Variants in ASIC3 observed in about 807,000 individuals in gnomAD.
ASIC3 encodes the protein acid-sensing ion channel 3.
ASIC3 carries 46 observed loss-of-function variants against 58.6 expected under a neutral mutation model. The observed-to-expected ratio is 0.79, with a 90% CI of 0.62 to 1.00. The LOEUF (loss-of-function observed/expected upper bound fraction) is 1.00. ASIC3 is among the 50% of genes least tolerant of loss of function. The pLI, the probability that ASIC3 is intolerant of heterozygous loss-of-function variation, is 0.00. For missense variants in ASIC3, 770 were observed against 735.0 expected, an observed-to-expected ratio of 1.05 and a Z score of -0.55; for synonymous variants, 336 against 300.2, an observed-to-expected ratio of 1.12 and a Z score of -1.23.
chr7:151,048,650 G>A lies in ASIC3; in HGVS notation c.-236G>A. 1 of 542,548 alleles carries A rather than the reference G, an allele frequency of 1.8e-6. No individual in the cohort carries two copies. Among genetic ancestry groups the A allele is most frequent in the Non-Finnish European group, 3.2e-6 (1 of 309,074 alleles). The allele number at this position is 542,548 out of a possible 1,614,324, so 33.6% of individuals were successfully genotyped here. On this transcript the variant is annotated 5_prime_UTR_variant, in exon 1 of 11. The change creates a new upstream start codon in the 5' untranslated region. Coordinates refer to ENST00000349064, the MANE Select transcript of ASIC3 (RefSeq NM_004769.4). ...AGTCCCCAGCCCAGTGCCTAGCCCA[G>A]TGGAGCCACCGCCTGTTCCTCGGGA...
At position 151,048,787 on chromosome 7, in the gene ASIC3, T is replaced by C; in HGVS notation, c.-99T>C. 1.4e-6 allele frequency: 2 copies of C among 1,421,338 alleles called. No individual in the cohort carries two copies. Among genetic ancestry groups the C allele is most frequent in the Non-Finnish European group, 1.9e-6 (2 of 1,051,834 alleles). The allele number at this position is 1,421,338 out of a possible 1,614,324, so 88.0% of individuals were successfully genotyped here. A position where few individuals can be genotyped will look rare whatever the true frequency, so the allele number is the denominator to read the frequency against. On this transcript the variant is annotated 5_prime_UTR_variant, in exon 1 of 11. Transcript: ENST00000349064. ...CACCCTCTCTTCTCCTCTCCTTGCCTGGCCTCCTGAATCCTATCTTAGCCT... is the reference window on the plus strand; with the variant it reads ...CACCCTCTCTTCTCCTCTCCTTGCCCGGCCTCCTGAATCCTATCTTAGCCT...
chr7:151,050,347 TC>T, intron 2 of ASIC3, 91 bp downstream of exon 2: 1 of 1,565,390 alleles, frequency 6.4e-7, no homozygotes, highest in South Asian at 1.2e-5. Context: ...GTCAGGGTGT[TC>T]CCCCAGAACC....
chr7:151,051,359 G>C, intron 6 of ASIC3, 40 bp downstream of exon 6: 4 of 1,436,116 alleles, frequency 2.8e-6, no homozygotes, highest in Non-Finnish European at 3.6e-6. Context: ...CGAGCCGGGG[G>C]CTCCCGACGG....
At position 151,052,521 on chromosome 7, in the gene ASIC3, T is replaced by C; in HGVS notation, c.1517+47T>C. 1 of 1,613,792 alleles carries C rather than the reference T, an allele frequency of 6.2e-7. No individual in the cohort carries two copies. Among genetic ancestry groups the C allele is most frequent in the Non-Finnish European group, 8.5e-7 (1 of 1,179,878 alleles). On this transcript the variant is annotated intron_variant, in intron 10 of 10. Coordinates refer to ENST00000349064, the MANE Select transcript of ASIC3 (RefSeq NM_004769.4). The surrounding 1 kb of genome is among the most constrained non-coding windows in gnomAD (Gnocchi z 5.0). The stretch of plus-strand genomic sequence containing the variant: ...AAATCAAGGGAGGGCAGGGGCAGGC[T>C]CAGGACAGTGGGTGTGCCCGTTCCC...
In ASIC3 at chr7:151,048,985, G is replaced by A. The variant is rs187671745; in HGVS notation, c.100G>A (p.Gly34Arg). Reference sequence around the variant, plus strand: ...GATGCACGGGCTGGGCCACGTCTTCGGGCCAGGCAGCCTGAGCCTGCGCCG... The same window carrying A: ...GATGCACGGGCTGGGCCACGTCTTCAGGCCAGGCAGCCTGAGCCTGCGCCG... The part of the protein sequence containing the change: ...CSMHGLGHVF[G>R]PGSLSLRRGM... The change falls in exon 1 of 11, where the codon GGG becomes AGG. Residue 34 changes from glycine (G) to arginine (R), a missense_variant. Physicochemically the swap from Gly to Arg is moderately radical, Grantham distance 125. Transcript: ENST00000349064. 3.3e-5 allele frequency: 53 copies of A among 1,608,896 alleles called. No individual in the cohort carries two copies. In the East Asian group the frequency reaches 8.9e-4, roughly 27 times the overall value.
intron 1 of ASIC3, among the ~76,000 whole-genome samples, 156 bp downstream of exon 1, chr7:151,049,575 C>T (rs989131530): frequency 2.0e-5 from 3 of 152,338 alleles, no homozygotes; most frequent in Non-Finnish European, 4.4e-5. Context: ...AGTGCCACTC[C>T]GTGCAGCCCA....
intron 2 of ASIC3, 97 bp from the exon 3 acceptor site, chr7:151,050,384 C>G (rs951890790): frequency 1.9e-6 from 3 of 1,571,704 alleles, no homozygotes; most frequent in African/African-American, 2.7e-5. Flanking sequence ...GCTGGCTCAT[C>G]CCAGTCCTGG....
Position 151,049,053 on chromosome 7 carries a change from C to A in ASIC3, c.168C>A (p.Phe56Leu). The change falls in exon 1 of 11, where the codon TTC (phenylalanine) becomes TTA (leucine). Residue 56 changes from phenylalanine to leucine, a missense_variant. Transcript: ENST00000349064. ...CCGTGGTCCTGTCAGTGGCCACCTT[C>A]CTCTACCAGGTGGCTGAGAGGGTGC... ...AAAVVLSVAT[F>L]LYQVAERVRY... 1 of 1,613,836 alleles carries A rather than the reference C, an allele frequency of 6.2e-7. No homozygotes were observed. Among genetic ancestry groups the A allele is most frequent in the Non-Finnish European group, 8.5e-7 (1 of 1,179,922 alleles).
Position 151,048,764 on chromosome 7 carries a change from C to G in ASIC3, c.-122C>G, listed in dbSNP as rs925949928. 9.5e-5 allele frequency: 121 copies of G among 1,267,970 alleles called. No homozygotes were observed. The highest frequency in any genetic ancestry group is 5.7e-4 in the Middle Eastern group (2 of 3,514). 78.5% of individuals were successfully genotyped at this position (1,267,970 alleles called of 1,614,324 possible). ...GCCTTCCAACCTTGGCTGTCTCCCACCCTCTCTTCTCCTCTCCTTGCCTGG... is the reference window on the plus strand; with the variant it reads ...GCCTTCCAACCTTGGCTGTCTCCCAGCCTCTCTTCTCCTCTCCTTGCCTGG... On this transcript the variant is annotated 5_prime_UTR_variant, in exon 1 of 11. Coordinates refer to ENST00000349064, the MANE Select transcript of ASIC3 (RefSeq NM_004769.4).
At chr7:151,051,370 G>C in intron 6 of ASIC3, 51 bp downstream of exon 6, 5 of 1,424,876 alleles carry the variant, frequency 3.5e-6, no homozygotes, top group Non-Finnish European at 9.1e-7. Context: ...CTCCCGACGG[G>C]GCGGAACGGG....
intron 2 of ASIC3, 112 bp downstream of exon 2, chr7:151,050,368 G>A: frequency 6.4e-7 from 1 of 1,563,612 alleles, no homozygotes; most frequent in Non-Finnish European, 8.7e-7. Context: ...CTGTGAAAGG[G>A]GCTGGGCTGG....
rs1462373887 is a variant in ASIC3, at chr7:151,051,901, GGT to G, written c.1306+8_1306+9del. On this transcript the variant is annotated splice_donor_variant, in intron 7 of 10. Coordinates refer to ENST00000349064, the MANE Select transcript of ASIC3 (RefSeq NM_004769.4). LOFTEE classifies it high-confidence loss of function. ...GGCCTATGAGATGTCAGAGCTGCTT[GGT>G]GTGTGTGCAGGGCCCCCAGGGCTGG... 5.6e-6 allele frequency: 9 copies of G among 1,613,842 alleles called. No individual in the cohort carries two copies. Among genetic ancestry groups the G allele is most frequent in the Non-Finnish European group, 7.6e-6 (9 of 1,179,942 alleles).
intron 2 of ASIC3, 102 bp from the exon 3 acceptor site, chr7:151,050,379 C>A: frequency 6.4e-7 from 1 of 1,567,484 alleles, no homozygotes; most frequent in Non-Finnish European, 8.7e-7. Flanking sequence ...GCTGGGCTGG[C>A]TCATCCCAGT....
chr7:151,049,404 T>C lies in ASIC3; in HGVS notation c.519T>C (p.Pro173=). ...GCTTCCGTGGCCAACCTTGTGGGCC[T>C]GAGAACTTCACCACGGTGAGCTGAC... ...DCRFRGQPCG[P]ENFTTIFTRM... Residue 173 remains proline, a synonymous_variant, in exon 1 of 11, where the codon CCT becomes CCC. Transcript: ENST00000349064. 1 of 1,592,530 alleles carries C rather than the reference T, an allele frequency of 6.3e-7. No individual in the cohort carries two copies. The highest frequency in any genetic ancestry group is 1.1e-5 in the South Asian group (1 of 89,086).
rs145339468 is a variant in ASIC3 at position 151,052,202 on chromosome 7, C to T, written c.1423C>T (p.Arg475Ter). Residue 475 changes from arginine (R) to a stop codon, truncating the protein, a stop_gained, in exon 9 of 11, where the codon CGA becomes TGA. Transcript: ENST00000349064. LOFTEE classifies it high-confidence loss of function. The surrounding 1 kb of genome is among the most constrained non-coding windows in gnomAD (Gnocchi z 5.0). ...CAAGGTCCTGGGATATTTCTGGAACCGACAGCACTCCCAAAGGCACTCCAG... is the reference window on the plus strand; with the variant it reads ...CAAGGTCCTGGGATATTTCTGGAACTGACAGCACTCCCAAAGGCACTCCAG... Reference protein sequence around the residue: ...RDKVLGYFWNRQHSQRHSSTN... With the variant: ...RDKVLGYFWN The T allele has an allele frequency of 4.8e-4, 780 of 1,614,012 alleles. No individual in the cohort carries two copies. Among genetic ancestry groups the T allele is most frequent in the Non-Finnish European group, 5.9e-4 (693 of 1,179,986 alleles).
rs767281465 is a variant in ASIC3 at position 151,052,510 on chromosome 7, C to T, written c.1517+36C>T. ...ATGGCCCCCTAAAATCAAGGGAGGG[C>T]AGGGGCAGGCTCAGGACAGTGGGTG... On this transcript the variant is annotated intron_variant, in intron 10 of 10. Transcript: ENST00000349064. This position sits in a 1 kb window ranked among gnomAD's most constrained non-coding sequence, Gnocchi z 5.0. 2 of 1,613,766 alleles carry T rather than the reference C, an allele frequency of 1.2e-6. No homozygotes were observed. Among genetic ancestry groups the T allele is most frequent in the South Asian group, 1.1e-5 (1 of 91,038 alleles).
At position 151,049,285 on chromosome 7, in the gene ASIC3, G is replaced by T; in HGVS notation, c.400G>T (p.Ala134Ser). 6.2e-7 allele frequency: 1 copy of T among 1,612,542 alleles called. No homozygotes were observed. Among genetic ancestry groups the T allele is most frequent in the Non-Finnish European group, 8.5e-7 (1 of 1,179,912 alleles). The stretch of plus-strand genomic sequence containing the variant: ...CCTGCGCGCCCTGGGCCGGCCCCCT[G>T]CACCGCCCGGCTTCATGCCCAGTCC... ...AFLRALGRPP[A>S]PPGFMPSPTF... The change falls in exon 1 of 11, where the codon GCA (alanine) becomes TCA (serine). Residue 134 changes from alanine (A) to serine (S), a missense_variant. Ala to Ser is a moderately conservative substitution (Grantham distance 99). Coordinates refer to ENST00000349064, the MANE Select transcript of ASIC3 (RefSeq NM_004769.4).
Position 151,052,264 on chromosome 7 carries a change from G to T in ASIC3, c.1458+27G>T, listed in dbSNP as rs780168305. The T allele has an allele frequency of 1.2e-6, 2 of 1,613,848 alleles. No individual in the cohort carries two copies. The highest frequency in any genetic ancestry group is 2.2e-5 in the South Asian group (2 of 91,074). On this transcript the variant is annotated intron_variant, in intron 9 of 10. Transcript: ENST00000349064. The surrounding 1 kb of genome is among the most constrained non-coding windows in gnomAD (Gnocchi z 5.0). ...TAACAGCCCCTCTTCTGGAGCCCTTGCCTGCTCCAAGGGTGCTAGGGCCCA... is the reference window on the plus strand; with the variant it reads ...TAACAGCCCCTCTTCTGGAGCCCTTTCCTGCTCCAAGGGTGCTAGGGCCCA...
Position 151,050,216 on chromosome 7 carries a change from C to T in ASIC3, c.645C>T (p.Asp215=), listed in dbSNP as rs116102133. Residue 215 remains aspartate (D), a synonymous_variant, in exon 2 of 11, where the codon GAC becomes GAT. Transcript: ENST00000349064. The part of the protein sequence containing the change: ...GMGNGLDIML[D]VQQEEYLPVW... Reference sequence around the variant, plus strand: ...GCAATGGGCTGGACATCATGCTGGACGTGCAGCAGGAGGAATATCTACCTG... The same window carrying T: ...GCAATGGGCTGGACATCATGCTGGATGTGCAGCAGGAGGAATATCTACCTG... 991 of 1,613,948 alleles carry T rather than the reference C, an allele frequency of 6.1e-4. 3 individuals carry two copies. Among genetic ancestry groups the T allele is most frequent in the Non-Finnish European group, 4.8e-4 (564 of 1,179,928 alleles).
Sources: gnomAD v4.1 joint callset for allele counts (sites outside exome capture counted in the v4.1 genomes callset) on GRCh38, gnomAD v4.1.1 for gene constraint, Gnocchi (gnomAD v3.1) non-coding constraint, MANE v1.5 for transcripts, NCBI Gene and HGNC (gene_info 2026-07-23, HGNC 2026-07-21) for gene names.